Variants in SIPA1L3 observed in about 807,000 individuals in gnomAD.
The protein encoded by SIPA1L3 is signal induced proliferation associated 1 like 3, also known as signal-induced proliferation-associated 1-like protein 3.
In SIPA1L3, 59 loss-of-function variants were observed where a neutral mutation model predicts 150.1. The ratio of observed to expected loss-of-function variants is 0.39; its 90% CI spans 0.32 to 0.49. The LOEUF is 0.49. Among genes scored for constraint, SIPA1L3 ranks in the 20% least tolerant of loss-of-function variants. The probability of loss-of-function intolerance (pLI) is 0.86; values close to 1 mark genes in which losing one functional copy is unlikely to be tolerated. For synonymous variants in SIPA1L3, 1,070 were observed against 1,077.6 expected (o/e 0.99, Z 0.14); for missense variants, 2,211 against 2,489.5 (o/e 0.89, Z 2.38).
In SIPA1L3 at chr19:38,088,854, A is replaced by G. The variant is rs756185873; in HGVS notation, c.1665+3A>G. On this transcript the variant is annotated splice_donor_region_variant and intron_variant, in intron 4 of 21. Coordinates refer to ENST00000222345, the MANE Select transcript of SIPA1L3 (RefSeq NM_015073.3). ...GGATCATCTTCCGGACCCGCGAGGTAGGTCCCATCACTCTCGTTCTTATTA... is the reference window on the plus strand; with the variant it reads ...GGATCATCTTCCGGACCCGCGAGGTGGGTCCCATCACTCTCGTTCTTATTA... The G allele has an allele frequency of 1.7e-5, 28 of 1,613,382 alleles. No individual in the cohort carries two copies. The highest frequency in any genetic ancestry group is 2.4e-5 in the Non-Finnish European group (28 of 1,179,598).
At chr19:38,009,121 G>A (rs1255975985) in intron 1 of SIPA1L3, among the ~76,000 whole-genome samples, 3 of 151,662 alleles carry the variant, frequency 2.0e-5, no homozygotes, top group African/African-American at 7.3e-5. Context: ...TGCAACCTCC[G>A]CCTCCCGGGT....
chr19:38,003,903 C>A (rs554953754), intron 1 of SIPA1L3, among the ~76,000 whole-genome samples: 2 of 152,004 alleles, frequency 1.3e-5, no homozygotes, highest in Non-Finnish European at 2.9e-5. Flanking sequence ...CATCCCCCAC[C>A]CCCACCCCCA....
intron 1 of SIPA1L3, among the ~76,000 whole-genome samples, chr19:38,000,912 C>G (rs200692023): frequency 1.4e-5 from 2 of 138,056 alleles, no homozygotes; most frequent in African/African-American, 5.3e-5. Flanking sequence ...ATATATATAA[C>G]ATATATATAA....
chr19:37,987,962 G>A (rs1967402861), intron 1 of SIPA1L3, among the ~76,000 whole-genome samples: 1 of 152,204 alleles, frequency 6.6e-6, no homozygotes, highest in African/African-American at 2.4e-5. Flanking sequence ...AAGATTCTAG[G>A]CTTGGTGGTA....
intron 1 of SIPA1L3, among the ~76,000 whole-genome samples, chr19:38,011,710 T>C (rs1968103111): frequency 3.9e-5 from 6 of 152,112 alleles, no homozygotes; most frequent in Admixed American, 3.9e-4. Flanking sequence ...CCAAGATATG[T>C]TGAAGAACTT....
chr19:38,043,407 A>G (rs1370416856), intron 2 of SIPA1L3, among the ~76,000 whole-genome samples: 2 of 152,192 alleles, frequency 1.3e-5, no homozygotes, highest in African/African-American at 4.8e-5. Context: ...AGAGAAAGAA[A>G]GAAAAAAGCA....
chr19:37,997,582 A>AG (rs1967669376), intron 1 of SIPA1L3, among the ~76,000 whole-genome samples: 1 of 135,846 alleles, frequency 7.4e-6, no homozygotes, highest in Non-Finnish European at 1.6e-5. Context: ...AAAAAAAAAA[A>AG]AAAAGGCCGG....
intron 3 of SIPA1L3, among the ~76,000 whole-genome samples, chr19:38,087,979 A>G (rs886293886): frequency 7.2e-5 from 11 of 152,178 alleles, no homozygotes; most frequent in African/African-American, 2.7e-4. Context: ...GATCGCGCCA[A>G]TGCCCTCCAG....
intron 1 of SIPA1L3, among the ~76,000 whole-genome samples, chr19:38,000,858 C>T (rs1160938378): frequency 1.4e-5 from 2 of 144,010 alleles, no homozygotes; most frequent in Non-Finnish European, 3.0e-5. Context: ...CTTCTTTGTA[C>T]ATTTATGTTC....
At chr19:37,995,234 G>A (rs75628196) in intron 1 of SIPA1L3, among the ~76,000 whole-genome samples, 3 of 152,288 alleles carry the variant, frequency 2.0e-5, no homozygotes, top group South Asian at 2.1e-4. Context: ...TGTCTGTACC[G>A]TGAGAGACAG....
chr19:37,967,394 C>T (rs1352099355), intron 1 of SIPA1L3, among the ~76,000 whole-genome samples: 1 of 151,978 alleles, frequency 6.6e-6, no homozygotes, highest in African/African-American at 2.4e-5. Context: ...GCTGGGATTA[C>T]AGGCGCCCAC....
intron 1 of SIPA1L3, among the ~76,000 whole-genome samples, chr19:38,008,786 C>T (rs1034499904): frequency 6.6e-6 from 1 of 152,056 alleles, no homozygotes; most frequent in African/African-American, 2.4e-5. Context: ...TCTCGAACTC[C>T]TGGCCTCAAG....
chr19:38,115,045 A>G (rs1970853038), intron 8 of SIPA1L3, among the ~76,000 whole-genome samples: 1 of 152,212 alleles, frequency 6.6e-6, no homozygotes, highest in Admixed American at 6.5e-5. Context: ...GATGCCACTG[A>G]CAGAGGTGTG....
At chr19:38,094,796 G>A (rs1395663992) in intron 4 of SIPA1L3, among the ~76,000 whole-genome samples, 2 of 152,220 alleles carry the variant, frequency 1.3e-5, no homozygotes, top group East Asian at 3.9e-4. Context: ...GCCAGGCGTG[G>A]TAGCTCACGC....
chr19:38,168,973 A>G (rs1972266047), intron 15 of SIPA1L3, among the ~76,000 whole-genome samples: 3 of 152,136 alleles, frequency 2.0e-5, no homozygotes, highest in Non-Finnish European at 1.5e-5. Context: ...AAAATGTTTT[A>G]TTTTAAATGG....
rs1970042646 is a variant in SIPA1L3 at position 38,082,976 on chromosome 19, G to A, written c.1411G>A (p.Ala471Thr). 6.2e-7 allele frequency: 1 copy of A among 1,612,986 alleles called. No homozygotes were observed. Among genetic ancestry groups the A allele is most frequent in the Non-Finnish European group, 8.5e-7 (1 of 1,179,884 alleles). ...EPALSAYRTN[A>T]SISVLEVPKE... The stretch of plus-strand genomic sequence containing the variant: ...CGCCCTGAGCGCCTACCGCACCAAC[G>A]CCAGCATCTCGGTGTTGGAAGTTCC... The change falls in exon 3 of 22, where the codon GCC becomes ACC. Residue 471 changes from alanine to threonine, a missense_variant. This residue lies in a region of SIPA1L3 where 587 missense variants were observed against 534.5 expected (regional missense o/e 1.10). Transcript: ENST00000222345.
intron 15 of SIPA1L3, among the ~76,000 whole-genome samples, chr19:38,170,484 C>G (rs1972304728): frequency 6.6e-6 from 1 of 152,178 alleles, no homozygotes; most frequent in Non-Finnish European, 1.5e-5. Flanking sequence ...AGGCAGGCAC[C>G]TTTGAACAGG....
chr19:38,022,714 AAAAT>A (rs561333195), intron 1 of SIPA1L3, among the ~76,000 whole-genome samples: 159 of 152,352 alleles, frequency 1.0e-3, no homozygotes, highest in Non-Finnish European at 1.9e-3. Flanking sequence ...TCTCAAGAAA[AAAAT>A]AAATAAATAA....
At chr19:38,060,018 G>A (rs543005323) in intron 2 of SIPA1L3, among the ~76,000 whole-genome samples, 2 of 152,196 alleles carry the variant, frequency 1.3e-5, no homozygotes, top group Admixed American at 6.5e-5. Flanking sequence ...CAGGTAACCC[G>A]CCCACCTCAG....
Sources: gnomAD v4.1 joint callset for allele counts (sites outside exome capture counted in the v4.1 genomes callset) on GRCh38, gnomAD v4.1.1 for gene constraint, gnomAD v4.1.1 regional missense constraint, MANE v1.5 for transcripts, NCBI Gene and HGNC (gene_info 2026-07-23, HGNC 2026-07-21) for gene names.